ABLIM2: variants seen among roughly 807,000 people sequenced by gnomAD.
ABLIM2 encodes actin binding LIM protein family member 2.
ABLIM2 carries 53 observed loss-of-function variants against 97.7 expected under a neutral mutation model. The observed-to-expected ratio is 0.54, with a 90% confidence interval of 0.44 to 0.68. The LOEUF (loss-of-function observed/expected upper bound fraction) is 0.68. ABLIM2 is among the 30% of genes least tolerant of loss of function. ABLIM2 has a pLI of 0.00. For synonymous variants in ABLIM2, 361 were observed against 345.8 expected (o/e 1.04, Z -0.49); for missense variants, 835 against 867.2 (o/e 0.96, Z 0.47).
At chr4:7,979,455 C>T (rs1736270239) in intron 20 of ABLIM2, among the ~76,000 whole-genome samples, 2 of 152,204 alleles carry the variant, frequency 1.3e-5, no homozygotes, top group African/African-American at 4.8e-5. Flanking sequence ...AGTTGCTGTT[C>T]AAAATCTAAG....
intron 20 of ABLIM2, among the ~76,000 whole-genome samples, chr4:7,976,762 TACAGAC>T (rs1733521120): frequency 6.6e-6 from 1 of 151,760 alleles, no homozygotes; most frequent in Non-Finnish European, 1.5e-5. Context: ...CACACACATA[TACAGAC>T]ACATATACAC....
Position 8,147,868 on chromosome 4 carries a change from C to T in ABLIM2, c.10+10812G>A, listed in dbSNP as rs1012962520. Among the ~76,000 whole-genome samples, 10 of 152,244 alleles carry T rather than the reference C, an allele frequency of 6.6e-5. No individual in the cohort carries two copies. Among genetic ancestry groups the T allele is most frequent in the Admixed American group, 6.5e-4 (10 of 15,290 alleles). On this transcript the variant is annotated intron_variant, in intron 1 of 20. Coordinates refer to ENST00000447017, the MANE Select transcript of ABLIM2 (RefSeq NM_001130083.2). The surrounding 1 kb of genome is among the most constrained non-coding windows in gnomAD (Gnocchi z 5.3). Reference sequence around the variant, plus strand: ...ACACTCACAGGTGGCCTTTGCCCAGCACTCTGGTTGTGCCATCTTCCCTGA... The same window carrying T: ...ACACTCACAGGTGGCCTTTGCCCAGTACTCTGGTTGTGCCATCTTCCCTGA...
At chr4:8,036,098 G>C in intron 10 of ABLIM2, 51 bp downstream of exon 10, 2 of 1,600,886 alleles carry the variant, frequency 1.2e-6, no homozygotes, top group East Asian at 2.2e-5. Context: ...TGTCCTGCAG[G>C]GCAGCACTTG....
intron 10 of ABLIM2, among the ~76,000 whole-genome samples, chr4:8,035,320 C>A (rs963659084): frequency 2.6e-5 from 4 of 152,148 alleles, no homozygotes; most frequent in Admixed American, 2.6e-4. Context: ...TTTCTCGCCC[C>A]ACACCATCCG....
intron 18 of ABLIM2, among the ~76,000 whole-genome samples, chr4:7,984,083 T>G (rs533320099): frequency 6.8e-4 from 104 of 152,294 alleles, no homozygotes; most frequent in Non-Finnish European, 1.4e-3. Context: ...AATGAAATAG[T>G]GTGGATCGTA....
rs950228253 is a variant in ABLIM2 at position 8,021,287 on chromosome 4, C to T, written c.1268-984G>A. 6.6e-6 allele frequency among the ~76,000 whole-genome samples: 1 copy of T among 152,178 alleles called. No homozygotes were observed. Among genetic ancestry groups the T allele is most frequent in the Non-Finnish European group, 1.5e-5 (1 of 68,034 alleles). ...AGGTTGGATTATCAAGTCACGCATCCAGAGGGCCGAGGTGACCTGGGTGAC... is the reference window on the plus strand; with the variant it reads ...AGGTTGGATTATCAAGTCACGCATCTAGAGGGCCGAGGTGACCTGGGTGAC... On this transcript the variant is annotated intron_variant, in intron 12 of 20. Coordinates refer to ENST00000447017, the MANE Select transcript of ABLIM2 (RefSeq NM_001130083.2). This position sits in a 1 kb window ranked among gnomAD's most constrained non-coding sequence, Gnocchi z 5.5.
chr4:8,024,514 A>T (rs986252834), intron 12 of ABLIM2, among the ~76,000 whole-genome samples: 1 of 152,000 alleles, frequency 6.6e-6, no homozygotes, highest in Non-Finnish European at 1.5e-5. Context: ...GAGCCCGGGG[A>T]GCAAACAGGA....
chr4:8,035,803 T>C (rs1784163761), intron 10 of ABLIM2, among the ~76,000 whole-genome samples: 1 of 152,242 alleles, frequency 6.6e-6, no homozygotes, highest in Non-Finnish European at 1.5e-5. Flanking sequence ...ATGCATCTCA[T>C]GCTTTATGAA....
chr4:8,002,221 C>T lies in ABLIM2; in HGVS notation c.1618+5838G>A, dbSNP rs1023628292. On this transcript the variant is annotated intron_variant, in intron 16 of 20. Transcript: ENST00000447017. The surrounding 1 kb of genome is among the most constrained non-coding windows in gnomAD (Gnocchi z 6.1). ...CTCCGTCTGCCCCCTGGCAACCCCC[C>T]GGACGTCTCAGGCTCTCCAAGCCAA... Among the ~76,000 whole-genome samples, 3 of 152,166 alleles carry T rather than the reference C, an allele frequency of 2.0e-5. No homozygotes were observed. The highest frequency in any genetic ancestry group is 7.2e-5 in the African/African-American group (3 of 41,440).
Position 8,140,531 on chromosome 4 carries a change from G to A in ABLIM2, c.10+18149C>T, listed in dbSNP as rs1850816891. ...TGACACGGGGGCCTTGCCTGCATGT[G>A]GGAGCCACACGTGGCCTCTCTTTAA... On this transcript the variant is annotated intron_variant, in intron 1 of 20. Coordinates refer to ENST00000447017, the MANE Select transcript of ABLIM2 (RefSeq NM_001130083.2). The surrounding 1 kb of genome is among the most constrained non-coding windows in gnomAD (Gnocchi z 5.9). Among the ~76,000 whole-genome samples the A allele has an allele frequency of 2.0e-5, 3 of 152,186 alleles. No homozygotes were observed. The highest frequency in any genetic ancestry group is 1.3e-4 in the Admixed American group (2 of 15,280).
In ABLIM2 at chr4:8,071,683, G is replaced by T; in HGVS notation, c.675+5945C>A. ...CCGAGGTCTCACACCTGACTGCTCTGTCCCCAAAAACCCACCCACCCGCAG... is the reference window on the plus strand; with the variant it reads ...CCGAGGTCTCACACCTGACTGCTCTTTCCCCAAAAACCCACCCACCCGCAG... On this transcript the variant is annotated intron_variant, in intron 6 of 20. Coordinates refer to ENST00000447017, the MANE Select transcript of ABLIM2 (RefSeq NM_001130083.2). The surrounding 1 kb of genome is among the most constrained non-coding windows in gnomAD (Gnocchi z 6.2). 1 of 976,910 alleles carries T rather than the reference G, an allele frequency of 1.0e-6. No homozygotes were observed. The highest frequency in any genetic ancestry group is 1.2e-6 in the Non-Finnish European group (1 of 822,026). The allele number at this position is 976,910 out of a possible 1,614,324, so 60.5% of individuals were successfully genotyped here.
At position 8,122,970 on chromosome 4, in the gene ABLIM2, G is replaced by C. The variant is rs1053450916; in HGVS notation, c.11-16333C>G. Reference sequence around the variant, plus strand: ...TCTGTCTGGGACCTGACCAGTGTGGGACGTCTTCCCGGAGGTCGTGCCTGC... The same window carrying C: ...TCTGTCTGGGACCTGACCAGTGTGGCACGTCTTCCCGGAGGTCGTGCCTGC... On this transcript the variant is annotated intron_variant, in intron 1 of 20. Transcript: ENST00000447017. The surrounding 1 kb of genome is among the most constrained non-coding windows in gnomAD (Gnocchi z 4.1). Among the ~76,000 whole-genome samples the C allele has an allele frequency of 6.6e-6, 1 of 152,142 alleles. No individual in the cohort carries two copies. Among genetic ancestry groups the C allele is most frequent in the African/African-American group, 2.4e-5 (1 of 41,432 alleles).
intron 14 of ABLIM2, among the ~76,000 whole-genome samples, chr4:8,016,126 C>T (rs1484091345): frequency 5.4e-5 from 8 of 147,650 alleles, no homozygotes; most frequent in Admixed American, 4.1e-4. Context: ...CTCACTGCAA[C>T]CTCTGCCTCC....
chr4:8,119,259 A>C (rs1578228272), intron 1 of ABLIM2, among the ~76,000 whole-genome samples: 1 of 150,422 alleles, frequency 6.6e-6, no homozygotes, highest in Middle Eastern at 3.5e-3. Context: ...GTATGGAAGG[A>C]TCTAGAAGCC....
In ABLIM2 at chr4:8,069,172, G is replaced by A. The variant is rs1429316138; in HGVS notation, c.676-8118C>T. Among the ~76,000 whole-genome samples the A allele has an allele frequency of 3.9e-5, 6 of 152,270 alleles. No homozygotes were observed. Among genetic ancestry groups the A allele is most frequent in the African/African-American group, 1.4e-4 (6 of 41,480 alleles). On this transcript the variant is annotated intron_variant, in intron 6 of 20. Transcript: ENST00000447017. The surrounding 1 kb of genome is among the most constrained non-coding windows in gnomAD (Gnocchi z 4.2). ...TCCCGTTAAGGCGTGAGCCTCAGGA[G>A]CGCTTGGCCCAGCGGCCTCATTCTC...
intron 10 of ABLIM2, 52 bp from the exon 11 acceptor site, chr4:8,029,828 C>T: frequency 6.5e-7 from 1 of 1,536,142 alleles, no homozygotes; most frequent in South Asian, 1.2e-5. Context: ...CACTTCCCAC[C>T]CCTTGTCCAC....
intron 6 of ABLIM2, among the ~76,000 whole-genome samples, chr4:8,073,027 G>T (rs1026389612): frequency 1.1e-4 from 17 of 152,076 alleles, no homozygotes; most frequent in Non-Finnish European, 1.3e-4. Context: ...GAGAGGAGAG[G>T]CTGAGTCTCT....
chr4:8,085,162 G>A lies in ABLIM2; in HGVS notation c.454+3007C>T, dbSNP rs1205841044. ...AGCAGAGGGAAGCTCAGGGCCACGG[G>A]ACTCAAGCTTGAGCTCTGCCTCAAG... On this transcript the variant is annotated intron_variant, in intron 4 of 20. Transcript: ENST00000447017. The surrounding 1 kb of genome is among the most constrained non-coding windows in gnomAD (Gnocchi z 6.1). 1.3e-5 allele frequency among the ~76,000 whole-genome samples: 2 copies of A among 152,076 alleles called. No individual in the cohort carries two copies. Among genetic ancestry groups the A allele is most frequent in the Non-Finnish European group, 2.9e-5 (2 of 68,004 alleles).
intron 4 of ABLIM2, among the ~76,000 whole-genome samples, chr4:8,081,367 G>A (rs916250621): frequency 1.3e-5 from 2 of 152,168 alleles, no homozygotes; most frequent in Non-Finnish European, 2.9e-5. Flanking sequence ...CTTCCCAGCC[G>A]TGCCTGCCCT....
Sources: gnomAD v4.1 joint callset for allele counts (sites outside exome capture counted in the v4.1 genomes callset) on GRCh38, gnomAD v4.1.1 for gene constraint, Gnocchi (gnomAD v3.1) non-coding constraint, MANE v1.5 for transcripts, NCBI Gene and HGNC (gene_info 2026-07-23, HGNC 2026-07-21) for gene names.